ZNF644: variants seen among roughly 807,000 people sequenced by gnomAD.
ZNF644 encodes zinc finger protein 644, also known as zinc finger motif enhancer binding protein 2.
ZNF644 carries 20 observed loss-of-function variants against 108.0 expected under a neutral mutation model. The ratio of observed to expected loss-of-function variants is 0.19; its 90% CI spans 0.13 to 0.27. The LOEUF (loss-of-function observed/expected upper bound fraction) is 0.27, where lower values mean the gene tolerates loss of function less well. Among genes scored for constraint, ZNF644 ranks in the 10% least tolerant of loss-of-function variants. The pLI is 1.00. For synonymous variants in ZNF644, 542 were observed against 539.1 expected (o/e 1.01, Z -0.08); for missense variants, 1,338 against 1,548.9 (o/e 0.86, Z 2.29).
intron 1 of ZNF644, among the ~76,000 whole-genome samples, chr1:91,012,435 G>A (rs560230555): frequency 1.3e-5 from 2 of 151,870 alleles, no homozygotes; most frequent in Admixed American, 6.6e-5. Flanking sequence ...CTGAGATTGC[G>A]CCAATGCACT....
chr1:91,001,390 T>C (rs552011027), intron 1 of ZNF644, among the ~76,000 whole-genome samples: 4 of 152,148 alleles, frequency 2.6e-5, no homozygotes, highest in Admixed American at 1.3e-4. Context: ...CGTACACAAA[T>C]CAATAAACGT....
At chr1:90,951,445 A>G (rs552528959) in intron 2 of ZNF644, among the ~76,000 whole-genome samples, 2 of 152,162 alleles carry the variant, frequency 1.3e-5, no homozygotes, top group East Asian at 1.9e-4. Context: ...TGTTTTTACT[A>G]TTCTTGAATA....
At chr1:90,955,534 A>G (rs1435375724) in intron 2 of ZNF644, among the ~76,000 whole-genome samples, 3 of 152,222 alleles carry the variant, frequency 2.0e-5, no homozygotes, top group Admixed American at 2.0e-4. Context: ...CAGCTTCTAC[A>G]TCAGCACTTG....
chr1:90,996,068 T>A (rs991545567), intron 1 of ZNF644, among the ~76,000 whole-genome samples: 1 of 152,134 alleles, frequency 6.6e-6, no homozygotes, highest in Non-Finnish European at 1.5e-5. Flanking sequence ...AAAACATTTA[T>A]AAAACCTGGC....
At chr1:91,014,534 A>G (rs973495016) in intron 1 of ZNF644, among the ~76,000 whole-genome samples, 2 of 152,220 alleles carry the variant, frequency 1.3e-5, no homozygotes, top group Non-Finnish European at 2.9e-5. Context: ...ATGTCCCACC[A>G]GCAAGGATAG....
At chr1:90,994,643 G>A (rs562883406) in intron 1 of ZNF644, among the ~76,000 whole-genome samples, 2 of 152,338 alleles carry the variant, frequency 1.3e-5, no homozygotes, top group South Asian at 4.1e-4. Flanking sequence ...TTTCAACAGA[G>A]TGCATTCCCC....
rs760730804 is a variant in ZNF644, at chr1:90,939,529, G to A, written c.1825C>T (p.His609Tyr). 6.2e-7 allele frequency: 1 copy of A among 1,613,920 alleles called. No individual in the cohort carries two copies. The highest frequency in any genetic ancestry group is 2.2e-5 in the East Asian group (1 of 44,874). The change falls in exon 3 of 6, where the codon CAT (histidine) becomes TAT (tyrosine). Residue 609 changes from histidine (H) to tyrosine (Y), a missense_variant. Around this residue, in one of 6 missense-constraint regions of ZNF644, gnomAD observed 462 missense variants for 472.6 expected, o/e 0.98. Transcript: ENST00000337393. ...SVLKKHTEYL[H>Y]SSSCVDSFGS... ...AATGAATCAACACATGATGATGAAT[G>A]CAAGTACTCCGTGTGCTTTTTTAAA...
Position 90,926,197 on chromosome 1 carries a change from A to T in ZNF644, c.3689-8043T>A, listed in dbSNP as rs1023760276. 6.3e-4 allele frequency among the ~76,000 whole-genome samples: 96 copies of T among 152,200 alleles called. 1 individual carries two copies. Among genetic ancestry groups the T allele is most frequent in the Non-Finnish European group, 5.0e-4 (34 of 68,030 alleles). Reference sequence around the variant, plus strand: ...TCTAGCTGGTCCATGAAGGCTGCACATAGGATGCCTATGAACTCTGTTTCA... The same window carrying T: ...TCTAGCTGGTCCATGAAGGCTGCACTTAGGATGCCTATGAACTCTGTTTCA... On this transcript the variant is annotated intron_variant, in intron 4 of 5. Transcript: ENST00000337393.
chr1:90,939,139 A>T lies in ZNF644; in HGVS notation c.2215T>A (p.Leu739Met). The T allele has an allele frequency of 6.2e-7, 1 of 1,613,850 alleles. No homozygotes were observed. The highest frequency in any genetic ancestry group is 8.5e-7 in the Non-Finnish European group (1 of 1,179,914). Residue 739 changes from leucine (L) to methionine (M), a missense_variant, in exon 3 of 6, where the codon TTG becomes ATG. Around this residue, in one of 6 missense-constraint regions of ZNF644, gnomAD observed 462 missense variants for 472.6 expected, o/e 0.98. Transcript: ENST00000337393. ...TAGTTTTCATATTTGTGTCTATACAAATAGTGGCTATTTGCCTTGGCATTA... is the reference window on the plus strand; with the variant it reads ...TAGTTTTCATATTTGTGTCTATACATATAGTGGCTATTTGCCTTGGCATTA... ...KSNAKANSHYLYRHKYENYRM... is the reference protein window; with the variant it reads ...KSNAKANSHYMYRHKYENYRM...
intron 2 of ZNF644, among the ~76,000 whole-genome samples, chr1:90,964,304 G>A (rs1389320183): frequency 6.6e-6 from 1 of 151,952 alleles, no homozygotes; most frequent in African/African-American, 2.4e-5. Context: ...TATTAAAGTT[G>A]AAGATGTTTG....
In ZNF644 at chr1:90,940,046, A is replaced by G; in HGVS notation, c.1308T>C (p.Asn436=). The part of the protein sequence containing the change: ...HRHMMYHLDG[N]SHFRHLNVPR... ...GGACATTAAGATGGCGAAAGTGACT[A>G]TTCCCATCTAAATGATACATCATAT... is the stretch of plus-strand genomic sequence containing the variant. The change falls in exon 3 of 6, where the codon AAT becomes AAC. Residue 436 remains asparagine (N), a synonymous_variant. Coordinates refer to ENST00000337393, the MANE Select transcript of ZNF644 (RefSeq NM_201269.3). 3 of 1,614,080 alleles carry G rather than the reference A, an allele frequency of 1.9e-6. No individual in the cohort carries two copies. The highest frequency in any genetic ancestry group is 2.5e-6 in the Non-Finnish European group (3 of 1,179,966).
At chr1:91,021,358 A>G (rs1488968854) in intron 1 of ZNF644, 1 of 152,290 alleles carries the variant, frequency 6.6e-6, no homozygotes, top group Non-Finnish European at 1.5e-5. Context: ...TGTCCCAAGT[A>G]AGGGGAGGGG....
chr1:91,001,727 G>T (rs1396233801), intron 1 of ZNF644, among the ~76,000 whole-genome samples: 1 of 152,178 alleles, frequency 6.6e-6, no homozygotes, highest in African/African-American at 2.4e-5. Context: ...ATTCAGTTAG[G>T]AAAAGAAGAA....
chr1:90,980,929 C>A (rs1656485486), intron 2 of ZNF644, among the ~76,000 whole-genome samples: 1 of 151,934 alleles, frequency 6.6e-6, no homozygotes, highest in Admixed American at 6.6e-5. Context: ...CAGCTCTATA[C>A]CTCAAATTTT....
intron 4 of ZNF644, among the ~76,000 whole-genome samples, chr1:90,934,767 CATT>C (rs1289311158): frequency 1.3e-5 from 2 of 152,042 alleles, no homozygotes; most frequent in African/African-American, 4.8e-5. Flanking sequence ...CAACACAAGC[CATT>C]ATTAAGGCTC....
chr1:90,954,598 G>C (rs1463129895), intron 2 of ZNF644, among the ~76,000 whole-genome samples: 1 of 152,086 alleles, frequency 6.6e-6, no homozygotes, highest in Non-Finnish European at 1.5e-5. Context: ...GTACAGACAG[G>C]GTTTCACCAT....
At chr1:91,013,210 A>G (rs915615861) in intron 1 of ZNF644, among the ~76,000 whole-genome samples, 1 of 152,078 alleles carries the variant, frequency 6.6e-6, no homozygotes, top group African/African-American at 2.4e-5. Context: ...AGTAGGTGGC[A>G]TTATAGGTGC....
intron 2 of ZNF644, among the ~76,000 whole-genome samples, chr1:90,972,330 T>C (rs1437405912): frequency 2.6e-5 from 4 of 152,140 alleles, no homozygotes; most frequent in Admixed American, 6.5e-5. Context: ...AAGACTTGAA[T>C]AGACATTTCT....
At chr1:90,977,748 C>A (rs1295452253) in intron 2 of ZNF644, among the ~76,000 whole-genome samples, 1 of 152,202 alleles carries the variant, frequency 6.6e-6, no homozygotes, top group African/African-American at 2.4e-5. Flanking sequence ...GACACTCTCA[C>A]ACACTCCCGT....
Sources: gnomAD v4.1 joint callset for allele counts (sites outside exome capture counted in the v4.1 genomes callset) on GRCh38, gnomAD v4.1.1 for gene constraint, gnomAD v4.1.1 regional missense constraint, MANE v1.5 for transcripts, NCBI Gene and HGNC (gene_info 2026-07-23, HGNC 2026-07-21) for gene names.